Variants in ACOXL observed in about 807,000 individuals in gnomAD.
The protein encoded by ACOXL is acyl-CoA oxidase like.
In ACOXL, 70 loss-of-function variants were observed where a neutral mutation model predicts 71.9. That is an observed-to-expected ratio of 0.97 (90% CI 0.80 to 1.19). ACOXL has a LOEUF of 1.19. Among genes scored for constraint, ACOXL ranks in the 50% most tolerant of loss-of-function variants. The pLI is 0.00. For synonymous variants in ACOXL, 253 were observed against 281.6 expected, an observed-to-expected ratio of 0.90 and a Z score of 1.02; for missense variants, 703 against 736.3, an observed-to-expected ratio of 0.95 and a Z score of 0.52.
intron 10 of ACOXL, among the ~76,000 whole-genome samples, chr2:110,865,422 T>C (rs546940399): frequency 6.6e-6 from 1 of 152,322 alleles, no homozygotes; most frequent in East Asian, 1.9e-4. Context: ...AACTATGGCC[T>C]GATTTCACAT....
rs568138144 is a variant in ACOXL at position 111,034,196 on chromosome 2, C to T, written c.1369+2482C>T. The stretch of plus-strand genomic sequence containing the variant: ...AATGTAGAGAGCATGATATTTACCT[C>T]GTGGGGCTGTTGGAAATATTAAATG... On this transcript the variant is annotated intron_variant, in intron 15 of 17. Transcript: ENST00000439055. Among the ~76,000 whole-genome samples, 119 of 152,320 alleles carry T rather than the reference C, an allele frequency of 7.8e-4. 2 individuals are homozygous for T. In the South Asian group the frequency reaches 0.014, roughly 18 times the overall value.
chr2:110,900,072 AACACACACACACATACACACACAC>A (rs762790176), intron 10 of ACOXL, among the ~76,000 whole-genome samples: 13 of 123,100 alleles, frequency 1.1e-4, no homozygotes, highest in African/African-American at 3.6e-4. Flanking sequence ...AAAGCTTTTC[AACACACACACACATACACACACAC>A]ACACACACAC....
intron 16 of ACOXL, among the ~76,000 whole-genome samples, chr2:111,056,256 G>C (rs1384331405): frequency 6.6e-6 from 1 of 151,442 alleles, no homozygotes; most frequent in Non-Finnish European, 1.5e-5. Flanking sequence ...TCAGGTTTCA[G>C]ACCTACACTT....
chr2:110,880,263 C>T (rs1413913539), intron 10 of ACOXL, among the ~76,000 whole-genome samples: 1 of 152,112 alleles, frequency 6.6e-6, no homozygotes, highest in Non-Finnish European at 1.5e-5. Flanking sequence ...CTCCCTGTCC[C>T]CTCTCAGTCC....
intron 9 of ACOXL, among the ~76,000 whole-genome samples, chr2:110,840,659 T>C (rs1250149421): frequency 6.6e-6 from 1 of 152,224 alleles, no homozygotes; most frequent in African/African-American, 2.4e-5. Context: ...CCCCCACTTA[T>C]GCCTGAGAGA....
At chr2:110,894,689 C>A (rs2058934794) in intron 10 of ACOXL, among the ~76,000 whole-genome samples, 1 of 152,158 alleles carries the variant, frequency 6.6e-6, no homozygotes, top group South Asian at 2.1e-4. Flanking sequence ...CTAGACAACT[C>A]CTGCCACCTC....
chr2:110,838,404 G>A (rs1690723538), intron 9 of ACOXL, among the ~76,000 whole-genome samples: 2 of 152,112 alleles, frequency 1.3e-5, no homozygotes, highest in Admixed American at 1.3e-4. Context: ...TGCTTAAAGC[G>A]TTTCTGAGTT....
At chr2:111,079,902 A>G (rs1307687565) in intron 16 of ACOXL, among the ~76,000 whole-genome samples, 1 of 151,730 alleles carries the variant, frequency 6.6e-6, no homozygotes, top group African/African-American at 2.4e-5. Flanking sequence ...TGATTTCTGA[A>G]AGAATTAATT....
intron 16 of ACOXL, among the ~76,000 whole-genome samples, chr2:111,061,974 C>T (rs1345409833): frequency 6.6e-6 from 1 of 151,588 alleles, no homozygotes; most frequent in Non-Finnish European, 1.5e-5. Context: ...AATAAAAAGA[C>T]AGTCTGAAAC....
intron 13 of ACOXL, among the ~76,000 whole-genome samples, chr2:110,990,699 A>T (rs1487844650): frequency 6.6e-6 from 1 of 152,112 alleles, no homozygotes; most frequent in Non-Finnish European, 1.5e-5. Context: ...TTTTAAATGT[A>T]TTTTTGTCAT....
intron 1 of ACOXL, among the ~76,000 whole-genome samples, chr2:110,754,360 C>T (rs1679399421): frequency 6.6e-6 from 1 of 152,038 alleles, no homozygotes; most frequent in South Asian, 2.1e-4. Flanking sequence ...GTGTGAGCCA[C>T]CATGCTGCCC....
intron 15 of ACOXL, among the ~76,000 whole-genome samples, chr2:111,044,977 CCTT>C (rs1404017512): frequency 1.3e-5 from 2 of 152,172 alleles, no homozygotes; most frequent in Admixed American, 6.5e-5. Flanking sequence ...TCTGGTTCTC[CCTT>C]CTTTTGTCAC....
At chr2:110,798,771 T>G in intron 6 of ACOXL, 47 bp downstream of exon 6, 1 of 1,543,174 alleles carries the variant, frequency 6.5e-7, no homozygotes, top group South Asian at 1.1e-5. Flanking sequence ...TCATTAGTAC[T>G]ATTTACCAGT....
intron 12 of ACOXL, among the ~76,000 whole-genome samples, chr2:110,953,018 T>A (rs956051341): frequency 2.6e-5 from 4 of 152,236 alleles, no homozygotes; most frequent in African/African-American, 9.6e-5. Context: ...ATGTCTGGTG[T>A]TTAAAAAATA....
At chr2:110,834,085 G>A (rs1690164891) in intron 9 of ACOXL, among the ~76,000 whole-genome samples, 1 of 152,138 alleles carries the variant, frequency 6.6e-6, no homozygotes, top group African/African-American at 2.4e-5. Context: ...GACCATGTTT[G>A]CGGGTGTCAC....
intron 17 of ACOXL, among the ~76,000 whole-genome samples, chr2:111,102,590 T>A (rs771629915): frequency 2.0e-5 from 3 of 151,900 alleles, no homozygotes; most frequent in Non-Finnish European, 4.4e-5. Flanking sequence ...CGGTCCAGGA[T>A]GCACAGTGAG....
At chr2:111,096,345 C>T (rs1411774779) in intron 17 of ACOXL, among the ~76,000 whole-genome samples, 1 of 151,800 alleles carries the variant, frequency 6.6e-6, no homozygotes, top group Non-Finnish European at 1.5e-5. Context: ...CCCATTCAAG[C>T]CATTCTCCTG....
At chr2:111,013,616 C>CT (rs1399534927) in intron 14 of ACOXL, among the ~76,000 whole-genome samples, 1 of 143,382 alleles carries the variant, frequency 7.0e-6, no homozygotes, top group African/African-American at 2.5e-5. Context: ...CTTTTCTTTT[C>CT]TTTCTTTTCT....
intron 17 of ACOXL, chr2:111,093,543 A>G: frequency 1.2e-6 from 2 of 1,611,302 alleles, no homozygotes; most frequent in South Asian, 1.1e-5. Flanking sequence ...AAGGGAGCTC[A>G]TATCCAAGGA....
Sources: allele counts gnomAD v4.1 joint callset (sites outside exome capture counted in the v4.1 genomes callset), GRCh38; gene constraint gnomAD v4.1.1; transcripts MANE v1.5; gene names NCBI Gene and HGNC (gene_info 2026-07-23, HGNC 2026-07-21).